Variants in HK1 observed in about 807,000 individuals in gnomAD.
HK1 encodes the protein hexokinase 1.
In HK1, 28 loss-of-function variants were observed where a neutral mutation model predicts 91.6. That is an observed-to-expected ratio of 0.31 (90% CI 0.23 to 0.42). The LOEUF is 0.42. Ranked by LOEUF, HK1 falls within the 10% of genes least tolerant of loss-of-function variation. The pLI is 1.00. For missense variants in HK1, 770 were observed against 1,219.8 expected, an observed-to-expected ratio of 0.63 and a Z score of 5.49; for synonymous variants, 430 against 468.1, an observed-to-expected ratio of 0.92 and a Z score of 1.05.
At chr10:69,310,769 TTG>T (rs1448266301) in intron 5 of HK1, among the ~76,000 whole-genome samples, 2 of 152,030 alleles carry the variant, frequency 1.3e-5, no homozygotes, top group Non-Finnish European at 2.9e-5. Context: ...AAGAGGTACA[TTG>T]GTTGGCTGGG....
intron 1 of HK1, among the ~76,000 whole-genome samples, chr10:69,336,222 G>A (rs1367401037): frequency 2.6e-5 from 4 of 151,850 alleles, no homozygotes; most frequent in African/African-American, 9.7e-5. Flanking sequence ...ATGGAGTTTC[G>A]CTCTTGTTGC....
intron 2 of HK1, among the ~76,000 whole-genome samples, chr10:69,283,264 TAGAG>T (rs763048634): frequency 6.9e-6 from 1 of 145,312 alleles, no homozygotes; most frequent in Non-Finnish European, 1.5e-5. Flanking sequence ...CTGGGCAAAA[TAGAG>T]AGATCCCATC....
At chr10:69,296,677 G>A (rs923907439) in intron 4 of HK1, among the ~76,000 whole-genome samples, 3 of 152,134 alleles carry the variant, frequency 2.0e-5, no homozygotes, top group Non-Finnish European at 4.4e-5. Flanking sequence ...TGTGTCAGGC[G>A]AGGAAGGGCA....
chr10:69,359,116 G>A (rs540368761), intron 2 of HK1, among the ~76,000 whole-genome samples: 1 of 152,168 alleles, frequency 6.6e-6, no homozygotes, highest in South Asian at 2.1e-4. Flanking sequence ...TATGCTAAGA[G>A]GAATAAGCCG....
At position 69,401,688 on chromosome 10, in the gene HK1, G is replaced by A. The variant is rs1033238769; in HGVS notation, c.*553G>A. On this transcript the variant is annotated 3_prime_UTR_variant, in exon 18 of 18. Transcript: ENST00000359426. ...GTCAATGCCACAAAATCGTGTGTCCGTGGAACCAGTCCTAGCCGCGTGTGA... is the reference window on the plus strand; with the variant it reads ...GTCAATGCCACAAAATCGTGTGTCCATGGAACCAGTCCTAGCCGCGTGTGA... The A allele has an allele frequency of 7.7e-5, 23 of 297,842 alleles. No individual in the cohort carries two copies. Among genetic ancestry groups the A allele is most frequent in the East Asian group, 5.5e-4 (5 of 9,146 alleles). The allele number at this position is 297,842 out of a possible 1,614,324, so 18.4% of individuals were successfully genotyped here. A position where few individuals can be genotyped will look rare whatever the true frequency, so the allele number is the denominator to read the frequency against.
chr10:69,392,436 C>T lies in HK1; in HGVS notation c.2219+128C>T, dbSNP rs988189529. The stretch of plus-strand genomic sequence containing the variant: ...GAACAGAGGTTTCAAGACTGGACCC[C>T]CTGGCTCACTCCTGACCTTTGTCTT... On this transcript the variant is annotated intron_variant, in intron 15 of 17. Coordinates refer to ENST00000359426, the MANE Select transcript of HK1 (RefSeq NM_000188.3). 1.1e-4 allele frequency: 100 copies of T among 947,306 alleles called. No homozygotes were observed. The East Asian group carries it at 2.5e-3, about 23-fold the overall frequency. 58.7% of individuals were successfully genotyped at this position (947,306 alleles called of 1,614,324 possible).
chr10:69,333,716 C>A (rs563977976), intron 1 of HK1, among the ~76,000 whole-genome samples: 66 of 152,262 alleles, frequency 4.3e-4, no homozygotes, highest in Non-Finnish European at 8.4e-4. Flanking sequence ...GGGTTCATAA[C>A]AGCTACCTTA....
intron 17 of HK1, among the ~76,000 whole-genome samples, chr10:69,400,406 C>T (rs1164001719): frequency 1.4e-4 from 22 of 152,218 alleles, no homozygotes; most frequent in Admixed American, 1.4e-3. Flanking sequence ...ACTATCTTCA[C>T]TGGAAGGCAT....
chr10:69,317,622 G>A (rs1231267404), upstream of HK1, among the ~76,000 whole-genome samples: 1 of 152,090 alleles, frequency 6.6e-6, no homozygotes, highest in Non-Finnish European at 1.5e-5. Flanking sequence ...TAGGCAGAGG[G>A]GCTCTATACA....
chr10:69,369,423 T>C lies in HK1; in HGVS notation c.692-18T>C. ...CTCCCCGTTGTGTGGTCATAGCTTCTGATCTTGTCCTGCCCAGGCACTGGC... is the reference window on the plus strand; with the variant it reads ...CTCCCCGTTGTGTGGTCATAGCTTCCGATCTTGTCCTGCCCAGGCACTGGC... On this transcript the variant is annotated intron_variant, in intron 6 of 17. Transcript: ENST00000359426. This position sits in a 1 kb window ranked among gnomAD's most constrained non-coding sequence, Gnocchi z 4.4. 1.2e-6 allele frequency: 2 copies of C among 1,614,242 alleles called. No individual in the cohort carries two copies. The highest frequency in any genetic ancestry group is 1.7e-6 in the Non-Finnish European group (2 of 1,180,036).
Position 69,292,163 on chromosome 10 carries a change from T to G in HK1, c.-115+3393T>G. On this transcript the variant is annotated intron_variant, in intron 3 of 21. Coordinates refer to the HK1 transcript ENST00000360289. Reference sequence around the variant, plus strand: ...ATGGCTCACTGAAGCCTTGAACTCCTGAGCTCAACTGATCCTCTTGCCTCA... The same window carrying G: ...ATGGCTCACTGAAGCCTTGAACTCCGGAGCTCAACTGATCCTCTTGCCTCA... 1.7e-5 allele frequency: 4 copies of G among 229,398 alleles called. No homozygotes were observed. The South Asian group carries it at 1.7e-4, about 10-fold the overall frequency. The allele number at this position is 229,398 out of a possible 1,614,324, so 14.2% of individuals were successfully genotyped here.
At chr10:69,344,768 G>A (rs1009018161) in intron 2 of HK1, among the ~76,000 whole-genome samples, 4 of 152,168 alleles carry the variant, frequency 2.6e-5, no homozygotes, top group Non-Finnish European at 5.9e-5. Context: ...CGGCAGACCC[G>A]CAGTTACTAG....
At chr10:69,361,287 C>G (rs1005307461) in intron 3 of HK1, among the ~76,000 whole-genome samples, 1 of 152,226 alleles carries the variant, frequency 6.6e-6, no homozygotes, top group Non-Finnish European at 1.5e-5. Flanking sequence ...CCAAGGGCTC[C>G]CCTGCTACTC....
At chr10:69,373,834 C>T (rs1019487789) in intron 7 of HK1, among the ~76,000 whole-genome samples, 2 of 152,142 alleles carry the variant, frequency 1.3e-5, no homozygotes, top group African/African-American at 4.8e-5. Context: ...AGGTGATCCT[C>T]CTGCCTCAAC....
chr10:69,360,086 A>C (rs1484036094), intron 3 of HK1, 41 bp downstream of exon 3: 4 of 1,604,378 alleles, frequency 2.5e-6, no homozygotes, highest in Non-Finnish European at 3.4e-6. Flanking sequence ...TCGGGCCAGC[A>C]TCCCCTTGGT....
At chr10:69,300,198 TTCCAGTCAATACTTCCCATTTCCTG>T (rs1337787167) in intron 4 of HK1, among the ~76,000 whole-genome samples, 1 of 151,776 alleles carries the variant, frequency 6.6e-6, no homozygotes, top group Non-Finnish European at 1.5e-5. Flanking sequence ...TCACAGTCTT[TTCCAGTCAATACTTCCCATTTCCTG>T]TCCTGACAGT....
chr10:69,346,773 T>C (rs879582030), intron 2 of HK1, among the ~76,000 whole-genome samples: 2 of 151,746 alleles, frequency 1.3e-5, no homozygotes, highest in Non-Finnish European at 1.5e-5. Flanking sequence ...TTTGAGGTAG[T>C]GGATGAATGA....
At chr10:69,288,715 A>G (rs769153000) in exon 3 of HK1, 12 of 1,611,960 alleles carry the variant, frequency 7.4e-6, no homozygotes, top group Non-Finnish European at 1.0e-5. Context: ...AGAAGAAAGG[A>G]CCCGAGGTCA....
upstream of HK1, chr10:69,318,061 C>A: frequency 1.0e-6 from 1 of 985,434 alleles, no homozygotes; most frequent in Non-Finnish European, 1.2e-6. Flanking sequence ...CAGGCCACGA[C>A]CTGTGGCCCA....
Sources: gnomAD v4.1 joint callset for allele counts (sites outside exome capture counted in the v4.1 genomes callset) on GRCh38, gnomAD v4.1.1 for gene constraint, Gnocchi (gnomAD v3.1) non-coding constraint, MANE v1.5 for transcripts, NCBI Gene and HGNC (gene_info 2026-07-23, HGNC 2026-07-21) for gene names.